Variants in CHTF18 observed in about 807,000 individuals in gnomAD.
CHTF18 encodes the protein chromosome transmission fidelity protein 18 homolog.
A neutral mutation model predicts 113.4 loss-of-function variants in CHTF18; 151 were observed. The observed-to-expected ratio is 1.33, with a 90% CI of 1.17 to 1.52. The LOEUF is 1.52. Ranked by LOEUF, CHTF18 falls within the 40% of genes most tolerant of loss-of-function variation. CHTF18 has a pLI of 0.00. For synonymous variants in CHTF18, 916 were observed against 598.8 expected, an observed-to-expected ratio of 1.53 and a Z score of -7.74; for missense variants, 1,982 against 1,381.6, an observed-to-expected ratio of 1.43 and a Z score of -6.89.
rs538702447 is a variant in CHTF18 at position 789,672 on chromosome 16, C to T, written c.563C>T (p.Ala188Val). 1.2e-5 allele frequency: 20 copies of T among 1,602,390 alleles called. No individual in the cohort carries two copies. In the African/African-American group the frequency reaches 1.5e-4, roughly 12 times the overall value. ...GTGACATCCACGGAGGGCGTCCGGG[C>T]TTATCTGGTGCTGCGTGCTGACCCC... ...VHVTSTEGVR[A>V]YLVLRADPMA... The change falls in exon 4 of 22, where the codon GCT becomes GTT. Residue 188 changes from alanine to valine, a missense_variant. Transcript: ENST00000262315.
chr16:791,781 C>T, intron 8 of CHTF18, 70 bp from the exon 9 acceptor site: 3 of 1,525,448 alleles, frequency 2.0e-6, no homozygotes, highest in South Asian at 2.5e-5. Context: ...ATGTGGCAGT[C>T]CCTGGCTGCT....
rs761138908 is a variant in CHTF18 at position 797,796 on chromosome 16, T to TG, written c.2792-36dup. 177 of 464,580 alleles carry TG rather than the reference T, an allele frequency of 3.8e-4. No individual in the cohort carries two copies. In the East Asian group the frequency reaches 5.1e-3, roughly 13 times the overall value. The allele number at this position is 464,580 out of a possible 1,614,324, so 28.8% of individuals were successfully genotyped here. ...GGGGTTGTGGGGGGCCTGGGGGTTG[T>TG]GGGGGGGCCTTACAGCTGAGGAGCA... On this transcript the variant is annotated intron_variant, in intron 21 of 21. Coordinates refer to ENST00000262315, the MANE Select transcript of CHTF18 (RefSeq NM_022092.3).
intron 9 of CHTF18, 84 bp downstream of exon 9, chr16:792,032 A>T: frequency 6.5e-7 from 1 of 1,549,846 alleles, no homozygotes; most frequent in Non-Finnish European, 8.7e-7. Context: ...CCGGGTGTGG[A>T]TGTTCCCGTC....
intron 15 of CHTF18, among the ~76,000 whole-genome samples, chr16:794,546 C>A (rs1393087012): frequency 6.6e-6 from 1 of 152,160 alleles, no homozygotes; most frequent in African/African-American, 2.4e-5. Context: ...ACTTAAGATG[C>A]ACATGGGGTG....
At chr16:794,835 A>C (rs749299059) in intron 15 of CHTF18, 19 of 441,386 alleles carry the variant, frequency 4.3e-5, no homozygotes, top group Non-Finnish European at 6.2e-5. Context: ...TGGTTCCTGG[A>C]GGCCTCCTGG....
At chr16:789,517 T>C in intron 3 of CHTF18, 30 bp from the exon 4 acceptor site, 2 of 1,572,102 alleles carry the variant, frequency 1.3e-6, no homozygotes, top group Non-Finnish European at 8.6e-7. Flanking sequence ...ACGCTTGAGT[T>C]TCTGCCACTG....
Position 798,028 on chromosome 16 carries a change from A to C in CHTF18, c.*53A>C. The stretch of plus-strand genomic sequence containing the variant: ...ATTGCTTCCCGCAGAGTGCAGAGAC[A>C]GGAAGCTGGAGATGTCTTTATAAAG... On this transcript the variant is annotated 3_prime_UTR_variant, in exon 22 of 22. Transcript: ENST00000262315. 6.4e-7 allele frequency: 1 copy of C among 1,567,076 alleles called. No individual in the cohort carries two copies. The highest frequency in any genetic ancestry group is 2.3e-5 in the East Asian group (1 of 44,312).
chr16:789,619 G>A lies in CHTF18; in HGVS notation c.510G>A (p.Arg170=), dbSNP rs765357018. 1.2e-6 allele frequency: 2 copies of A among 1,608,784 alleles called. No individual in the cohort carries two copies. The highest frequency in any genetic ancestry group is 1.7e-6 in the Non-Finnish European group (2 of 1,179,762). The change falls in exon 4 of 22, where the codon CGG becomes CGA. Residue 170 remains arginine, a synonymous_variant. Transcript: ENST00000262315. ...CTGCCCGCAATCCCGTCCTGAGGCG[G>A]CCCCCCATCTTGGAGGACTACGTCC... ...SPAARNPVLR[R]PPILEDYVHV...
At chr16:793,832 GCTCCTCT>G (rs1567401191) in intron 14 of CHTF18, 2 of 638,190 alleles carry the variant, frequency 3.1e-6, no homozygotes, top group South Asian at 3.6e-5. Context: ...TCAGGGCAGG[GCTCCTCT>G]CAGAGTGGGG....
Position 797,952 on chromosome 16 carries a change from C to G in CHTF18, c.2905C>G (p.Leu969Val). The change falls in exon 22 of 22, where the codon CTG becomes GTG. Residue 969 changes from leucine (L) to valine (V), a missense_variant. Physicochemically the swap from Leu to Val is conservative, Grantham distance 32 (BLOSUM62 1). Coordinates refer to ENST00000262315, the MANE Select transcript of CHTF18 (RefSeq NM_022092.3). ...EGVSNAVRRS[L>V]YIRDLL is the part of the protein sequence containing the mutation. ...TGTCTCCAACGCCGTGCGGCGCAGC[C>G]TGTACATCAGGGACTTGCTCTAGTT... 1 of 1,612,258 alleles carries G rather than the reference C, an allele frequency of 6.2e-7. No individual in the cohort carries two copies. The highest frequency in any genetic ancestry group is 8.5e-7 in the Non-Finnish European group (1 of 1,179,666).
At position 795,802 on chromosome 16, in the gene CHTF18, C is replaced by G. The variant is rs756453719; in HGVS notation, c.2293C>G (p.Leu765Val). ...QALLLDALCLLLDILAPKLRP... is the reference protein window; with the variant it reads ...QALLLDALCLVLDILAPKLRP... ...CCTGCTCCTCGATGCCCTCTGCCTG[C>G]TCCTGGACATTCTTGCACCCAAGCT... Residue 765 changes from leucine (L) to valine (V), a missense_variant, in exon 17 of 22, where the codon CTC becomes GTC. By Grantham distance (32) the Leu-to-Val change is conservative. Transcript: ENST00000262315. 6.8e-6 allele frequency: 11 copies of G among 1,610,052 alleles called. No individual in the cohort carries two copies. The African/African-American group carries it at 1.3e-4, about 20-fold the overall frequency.
At position 790,773 on chromosome 16, in the gene CHTF18, G is replaced by A. The variant is rs552994428; in HGVS notation, c.894+107G>A. 1.2e-4 allele frequency: 177 copies of A among 1,439,048 alleles called. No homozygotes were observed. In the East Asian group the frequency reaches 2.2e-3, roughly 18 times the overall value. 89.1% of individuals were successfully genotyped at this position (1,439,048 alleles called of 1,614,324 possible). On this transcript the variant is annotated intron_variant, in intron 7 of 21. Transcript: ENST00000262315. Reference sequence around the variant, plus strand: ...AGCCAATCCACTGGGCCTCGGAGACGGAGTGGGCTCTGGTTTGCCCTTTTG... The same window carrying A: ...AGCCAATCCACTGGGCCTCGGAGACAGAGTGGGCTCTGGTTTGCCCTTTTG...
At chr16:790,490 G>A (rs373574138) in intron 6 of CHTF18, 35 bp from the exon 7 acceptor site, 20 of 1,606,310 alleles carry the variant, frequency 1.2e-5, no homozygotes, top group Non-Finnish European at 1.6e-5. Context: ...TGGTCCCTGC[G>A]AGTTGTTTGT....
rs199791627 is a variant in CHTF18 at position 796,824 on chromosome 16, G to A, written c.2564G>A (p.Arg855Gln). ...GAGATCGAGGTGGAGAAGATGCGGC[G>A]GGCGGAGGCTTCTGCCCGGGTAGAG... is the stretch of plus-strand genomic sequence containing the variant. ...AREIEVEKMR[R>Q]AEASARVENS... The change falls in exon 19 of 22, where the codon CGG (arginine) becomes CAG (glutamine). Residue 855 changes from arginine (R) to glutamine (Q), a missense_variant. Transcript: ENST00000262315. 3.2e-4 allele frequency: 516 copies of A among 1,607,802 alleles called. 1 individual carries two copies. Among genetic ancestry groups the A allele is most frequent in the Middle Eastern group, 5.0e-4 (3 of 6,054 alleles).
Position 793,600 on chromosome 16 carries a change from C to T in CHTF18, c.1802+326C>T, listed in dbSNP as rs1242881870. 12 of 539,670 alleles carry T rather than the reference C, an allele frequency of 2.2e-5. No homozygotes were observed. In the East Asian group the frequency reaches 3.9e-4, roughly 18 times the overall value. The allele number at this position is 539,670 out of a possible 1,614,324, so 33.4% of individuals were successfully genotyped here. A position where few individuals can be genotyped will look rare whatever the true frequency, so the allele number is the denominator to read the frequency against. The stretch of plus-strand genomic sequence containing the variant: ...GCACCCTCATTTTTGCCACATTTGG[C>T]CTGGGCTGTGGTCTCTGAGCCCCTG... On this transcript the variant is annotated intron_variant, in intron 14 of 21. Coordinates refer to ENST00000262315, the MANE Select transcript of CHTF18 (RefSeq NM_022092.3).
Position 790,209 on chromosome 16 carries a change from T to C in CHTF18, c.639T>C (p.Gly213=). The change falls in exon 5 of 22, where the codon GGT becomes GGC. Residue 213 remains glycine (G), a synonymous_variant. Coordinates refer to ENST00000262315, the MANE Select transcript of CHTF18 (RefSeq NM_022092.3). The part of the protein sequence containing the change: ...GSLLHVPWRG[G]GQLDLLGVSL... ...TCCTCCACGTCCCATGGCGAGGCGGTGGCCAGCTGGACCTGCTGGGTGTGT... is the reference window on the plus strand; with the variant it reads ...TCCTCCACGTCCCATGGCGAGGCGGCGGCCAGCTGGACCTGCTGGGTGTGT... 1.2e-6 allele frequency: 2 copies of C among 1,604,782 alleles called. No individual in the cohort carries two copies. The highest frequency in any genetic ancestry group is 1.7e-6 in the Non-Finnish European group (2 of 1,176,556).
intron 7 of CHTF18, chr16:790,957 C>T: frequency 1.4e-6 from 2 of 1,435,574 alleles, no homozygotes; most frequent in Non-Finnish European, 1.8e-6. Context: ...AGGGCAGGGG[C>T]CTCCCAGATG....
rs1197985753 is a variant in CHTF18 at position 792,209 on chromosome 16, A to AC, written c.1203-13dup. On this transcript the variant is annotated splice_polypyrimidine_tract_variant and intron_variant, in intron 9 of 21. Coordinates refer to ENST00000262315, the MANE Select transcript of CHTF18 (RefSeq NM_022092.3). The stretch of plus-strand genomic sequence containing the variant: ...ACGCCCACTGCCCTGACGACCCCTG[A>AC]CCTCCCCATTGCAGTGACGACCGTA... The AC allele has an allele frequency of 1.9e-6, 3 of 1,566,854 alleles. No individual in the cohort carries two copies. The highest frequency in any genetic ancestry group is 1.4e-5 in the African/African-American group (1 of 73,420).
At position 792,571 on chromosome 16, in the gene CHTF18, A is replaced by G. The variant is rs1241864795; in HGVS notation, c.1459A>G (p.Ile487Val). ...AEGGLLMRPIICICNDQFAPS... is the reference protein window; with the variant it reads ...AEGGLLMRPIVCICNDQFAPS... ...GGGGGGGCTCCTCATGAGGCCCATT[A>G]TCTGCATTTGCAATGACCAGTGAGT... Residue 487 changes from isoleucine (I) to valine (V), a missense_variant, in exon 11 of 22, where the codon ATC becomes GTC. Ile to Val is a conservative substitution (Grantham distance 29). Transcript: ENST00000262315. The G allele has an allele frequency of 1.7e-5, 27 of 1,596,274 alleles. No homozygotes were observed. The highest frequency in any genetic ancestry group is 2.2e-5 in the Non-Finnish European group (26 of 1,175,030).
Sources: gnomAD v4.1 joint callset for allele counts (sites outside exome capture counted in the v4.1 genomes callset) on GRCh38, gnomAD v4.1.1 for gene constraint, MANE v1.5 for transcripts, NCBI Gene and HGNC (gene_info 2026-07-23, HGNC 2026-07-21) for gene names.